EMC3: variants seen among roughly 807,000 people sequenced by gnomAD.
The protein encoded by EMC3 is 30 kDa protein.
EMC3 carries 13 observed loss-of-function variants against 36.6 expected under a neutral mutation model. That is an observed-to-expected ratio of 0.35 (90% CI 0.23 to 0.56). The LOEUF is 0.56. Ranked by LOEUF, EMC3 falls within the 20% of genes least tolerant of loss-of-function variation. The pLI is 0.84. For synonymous variants in EMC3, 120 were observed against 111.9 expected, an observed-to-expected ratio of 1.07 and a Z score of -0.46; for missense variants, 220 against 324.5, an observed-to-expected ratio of 0.68 and a Z score of 2.47.
At chr3:9,985,370 A>G (rs2085959619) in intron 1 of EMC3, among the ~76,000 whole-genome samples, 1 of 152,194 alleles carries the variant, frequency 6.6e-6, no homozygotes, top group East Asian at 1.9e-4. Flanking sequence ...GAGAGGTGCT[A>G]AAGATATAGT....
intron 1 of EMC3, chr3:10,008,340 G>T: frequency 7.8e-7 from 1 of 1,277,726 alleles, no homozygotes; most frequent in Admixed American, 2.0e-5. Context: ...AGGGACTATA[G>T]GGAAGGGGCT....
intron 1 of EMC3, chr3:9,993,035 T>G: frequency 8.4e-7 from 1 of 1,191,306 alleles, no homozygotes; most frequent in Non-Finnish European, 1.3e-6. Context: ...ACTATTGATT[T>G]TTAATCTAAA....
rs757446818 is a variant in EMC3, at chr3:9,974,404, G to A, written c.392C>T (p.Thr131Ile). The A allele has an allele frequency of 6.2e-7, 1 of 1,613,262 alleles. No individual in the cohort carries two copies. The highest frequency in any genetic ancestry group is 8.5e-7 in the Non-Finnish European group (1 of 1,179,204). The change falls in exon 4 of 8, where the codon ACA (threonine) becomes ATA (isoleucine). Residue 131 changes from threonine to isoleucine, a missense_variant. Physicochemically the swap from Thr to Ile is moderately conservative, Grantham distance 89 (BLOSUM62 -1). Transcript: ENST00000245046. ...CTTACTTGTGACAAAGCCTGAGAAT[G>A]TCATGTTGATCCATCCACCAATAAG... The part of the protein sequence containing the change: ...MILIGGWINM[T>I]FSGFVTTKVP...
chr3:10,009,715 C>T (rs934891412), intron 1 of EMC3, among the ~76,000 whole-genome samples: 1 of 152,218 alleles, frequency 6.6e-6, no homozygotes, highest in African/African-American at 2.4e-5. Context: ...CTCAGAGGCT[C>T]CCTTCATCTG....
At chr3:9,979,365 A>T (rs930025559) in intron 1 of EMC3, among the ~76,000 whole-genome samples, 25 of 152,168 alleles carry the variant, frequency 1.6e-4, no homozygotes, top group Non-Finnish European at 3.5e-4. Flanking sequence ...AAACCCCAAA[A>T]CTGGTCCTTC....
intron 7 of EMC3, among the ~76,000 whole-genome samples, chr3:9,966,017 TTGAG>T (rs780436413): frequency 2.0e-4 from 30 of 152,360 alleles, no homozygotes; most frequent in Non-Finnish European, 2.6e-4. Flanking sequence ...TTCAGTTCTC[TTGAG>T]TATTTACTTA....
upstream of EMC3, among the ~76,000 whole-genome samples, chr3:9,989,147 C>G (rs1359646327): frequency 6.6e-6 from 1 of 152,208 alleles, no homozygotes; most frequent in African/African-American, 2.4e-5. Context: ...CCATGTTTTA[C>G]TTTACTTTGC....
At chr3:9,999,584 T>C (rs528044826) in intron 1 of EMC3, among the ~76,000 whole-genome samples, 1 of 152,324 alleles carries the variant, frequency 6.6e-6, no homozygotes, top group East Asian at 1.9e-4. Flanking sequence ...GTGATTTTCT[T>C]AATTATTTTG....
chr3:9,979,452 C>A (rs2085886881), intron 1 of EMC3, among the ~76,000 whole-genome samples: 1 of 152,226 alleles, frequency 6.6e-6, no homozygotes, highest in African/African-American at 2.4e-5. Context: ...CACATGGGTT[C>A]AATCCCACCT....
intron 1 of EMC3, among the ~76,000 whole-genome samples, chr3:9,982,073 G>A (rs369979848): frequency 5.3e-4 from 76 of 143,212 alleles, no homozygotes; most frequent in African/African-American, 1.2e-3. Context: ...GCCTCAGCCC[G>A]CAGAGTAGCT....
At chr3:9,977,742 A>G (rs1310572079) in intron 1 of EMC3, among the ~76,000 whole-genome samples, 2 of 152,202 alleles carry the variant, frequency 1.3e-5, no homozygotes, top group Non-Finnish European at 2.9e-5. Context: ...ATAATAAGCT[A>G]GGAAGACACT....
intron 1 of EMC3, chr3:10,008,540 T>C: frequency 7.7e-7 from 1 of 1,306,458 alleles, no homozygotes; most frequent in Non-Finnish European, 1.0e-6. Flanking sequence ...CAGGGCGGGT[T>C]CCCAAAAGAC....
rs769388788 is a variant in EMC3 at position 9,974,484 on chromosome 3, A to G, written c.312T>C (p.Pro104=). 11 of 1,602,210 alleles carry G rather than the reference A, an allele frequency of 6.9e-6. No individual in the cohort carries two copies. Among genetic ancestry groups the G allele is most frequent in the Non-Finnish European group, 8.6e-6 (10 of 1,169,166 alleles). ...CTTTCATCATGTCTGTCAACATAGTAGGATCTAAGACAAAAGCACAAACAA... is the reference window on the plus strand; with the variant it reads ...CTTTCATCATGTCTGTCAACATAGTGGGATCTAAGACAAAAGCACAAACAA... ...KVVPPSPMTD[P]TMLTDMMKGN... is the part of the protein sequence containing the mutation. The change falls in exon 4 of 8, where the codon CCT becomes CCC. Residue 104 remains proline, a synonymous_variant. Coordinates refer to ENST00000245046, the MANE Select transcript of EMC3 (RefSeq NM_001394674.1).
chr3:9,975,540 C>T (rs931651013), intron 3 of EMC3, among the ~76,000 whole-genome samples: 1 of 151,482 alleles, frequency 6.6e-6, no homozygotes, highest in African/African-American at 2.4e-5. Flanking sequence ...TGGCCAGGCA[C>T]GGTGGCTCAC....
chr3:9,985,820 G>C (rs1309959973), intron 1 of EMC3, among the ~76,000 whole-genome samples: 4 of 152,142 alleles, frequency 2.6e-5, no homozygotes, highest in Admixed American at 2.6e-4. Flanking sequence ...CTTGAACCCG[G>C]GAGGCGTAGA....
At chr3:10,007,470 A>C (rs759371352) in intron 1 of EMC3, 1 of 1,367,454 alleles carries the variant, frequency 7.3e-7, no homozygotes, top group African/African-American at 1.5e-5. Flanking sequence ...CTGGCTGTCT[A>C]GTGTGGCATT....
At position 9,977,370 on chromosome 3, in the gene EMC3, A is replaced by C; in HGVS notation, c.213+19T>G. On this transcript the variant is annotated intron_variant, in intron 2 of 7. Transcript: ENST00000245046. ...CAACAGTGAATCGTGGAGCTTTTTA[A>C]TAAAAGATAAATGAGTACCTGTTTG... 1 of 1,604,340 alleles carries C rather than the reference A, an allele frequency of 6.2e-7. No individual in the cohort carries two copies. The highest frequency in any genetic ancestry group is 1.1e-5 in the South Asian group (1 of 89,250).
chr3:9,974,212 A>G (rs1176956067), intron 4 of EMC3, among the ~76,000 whole-genome samples, 172 bp downstream of exon 4: 1 of 152,222 alleles, frequency 6.6e-6, no homozygotes, highest in African/African-American at 2.4e-5. Context: ...CATCCACGTC[A>G]TGAACTTAGG....
At chr3:9,986,926 C>T, upstream of EMC3, 1 of 1,248,774 alleles carries the variant, frequency 8.0e-7, no homozygotes, top group Non-Finnish European at 1.0e-6. Flanking sequence ...GGAAAACTAT[C>T]GGCGGTGGCC....
Sources: gnomAD v4.1 joint callset for allele counts (sites outside exome capture counted in the v4.1 genomes callset) on GRCh38, gnomAD v4.1.1 for gene constraint, MANE v1.5 for transcripts, NCBI Gene and HGNC (gene_info 2026-07-23, HGNC 2026-07-21) for gene names.